The following DNAAF4 variants were observed in gnomAD, a reference collection of about 807,000 sequenced individuals.
DNAAF4 encodes the protein dynein axonemal assembly factor 4.
A neutral mutation model predicts 51.8 loss-of-function variants in DNAAF4; 43 were observed. That is an observed-to-expected ratio of 0.83 (90% CI 0.65 to 1.07). The LOEUF (loss-of-function observed/expected upper bound fraction) is 1.07, where lower values mean the gene tolerates loss of function less well. Ranked by LOEUF, DNAAF4 falls within the 50% of genes least tolerant of loss-of-function variation. The probability of loss-of-function intolerance (pLI) is 0.00; values close to 1 mark genes in which losing one functional copy is unlikely to be tolerated. For missense variants in DNAAF4, 581 were observed against 493.0 expected (o/e 1.18, Z -1.69); for synonymous variants, 194 against 165.6 (o/e 1.17, Z -1.32).
chr15:55,427,977 A>T (rs748705538), downstream of DNAAF4, among the ~76,000 whole-genome samples: 3 of 151,260 alleles, frequency 2.0e-5, no homozygotes, highest in Non-Finnish European at 4.4e-5. Context: ...TTGGAGATGG[A>T]GTTTCACTCC....
intron 1 of DNAAF4, among the ~76,000 whole-genome samples, chr15:55,500,127 T>C (rs547564284): frequency 6.6e-6 from 1 of 152,288 alleles, no homozygotes; most frequent in South Asian, 2.1e-4. Flanking sequence ...TTTAAACTTA[T>C]TTACTTTTGG....
intron 5 of DNAAF4, among the ~76,000 whole-genome samples, chr15:55,460,395 G>T (rs552235225): frequency 1.2e-3 from 182 of 151,760 alleles, no homozygotes; most frequent in African/African-American, 4.2e-3. Context: ...GGTCAGGCTG[G>T]TCTCAAACTC....
intron 4 of DNAAF4, among the ~76,000 whole-genome samples, chr15:55,483,871 T>A (rs1260561831): frequency 8.0e-6 from 1 of 125,390 alleles, no homozygotes; most frequent in African/African-American, 3.5e-5. Context: ...TTTTTTTTTT[T>A]AAGAGAAAGC....
At chr15:55,473,293 A>ATC (rs2058289120) in intron 4 of DNAAF4, among the ~76,000 whole-genome samples, 1 of 34,470 alleles carries the variant, frequency 2.9e-5, no homozygotes, top group African/African-American at 1.2e-4. Context: ...GTGTATATAT[A>ATC]TGTGTATATA....
Position 55,498,434 on chromosome 15 carries a change from G to A in DNAAF4, c.-105C>T. ...GCGCCAGCCCTTCCGGGTCAGGCCG[G>A]CCGGGAGCCCGGCGTTCCCAGCGTG... On this transcript the variant is annotated 5_prime_UTR_variant, in exon 2 of 10. Transcript: ENST00000321149. 2 of 1,484,458 alleles carry A rather than the reference G, an allele frequency of 1.3e-6. No homozygotes were observed. The highest frequency in any genetic ancestry group is 1.8e-6 in the Non-Finnish European group (2 of 1,119,338). 92.0% of individuals were successfully genotyped at this position (1,484,458 alleles called of 1,614,324 possible).
chr15:55,467,629 C>T (rs983273798), intron 4 of DNAAF4, among the ~76,000 whole-genome samples: 1 of 151,912 alleles, frequency 6.6e-6, no homozygotes, highest in Non-Finnish European at 1.5e-5. Flanking sequence ...ACCCTGTCAA[C>T]CGAAGTTGTG....
At chr15:55,448,579 A>G (rs2057879314) in intron 6 of DNAAF4, among the ~76,000 whole-genome samples, 1 of 148,450 alleles carries the variant, frequency 6.7e-6, no homozygotes, top group South Asian at 2.1e-4. Flanking sequence ...ATTCAAAAAT[A>G]ATTCTATGGG....
At chr15:55,493,382 A>C (rs1286782002) in intron 3 of DNAAF4, among the ~76,000 whole-genome samples, 1 of 152,230 alleles carries the variant, frequency 6.6e-6, no homozygotes, top group Admixed American at 6.5e-5. Context: ...TTATTCATCT[A>C]AGATCTTGGC....
chr15:55,423,811 A>C (rs1027438779), intron 7 of DNAAF4, among the ~76,000 whole-genome samples: 1 of 152,100 alleles, frequency 6.6e-6, no homozygotes, highest in Non-Finnish European at 1.5e-5. Flanking sequence ...AAAATAGGCC[A>C]GGCACAGTGT....
At chr15:55,424,608 G>C (rs1316493905) in intron 7 of DNAAF4, among the ~76,000 whole-genome samples, 3 of 152,172 alleles carry the variant, frequency 2.0e-5, no homozygotes, top group Admixed American at 2.0e-4. Flanking sequence ...CTTTATCCAG[G>C]CTAGAGTGCA....
intron 5 of DNAAF4, among the ~76,000 whole-genome samples, chr15:55,462,978 C>T (rs951935312): frequency 3.9e-5 from 6 of 152,132 alleles, no homozygotes; most frequent in Non-Finnish European, 7.3e-5. Flanking sequence ...TTGAGGCCAG[C>T]CTGGCCAACA....
intron 7 of DNAAF4, among the ~76,000 whole-genome samples, chr15:55,420,955 G>A (rs528603827): frequency 5.9e-4 from 90 of 152,144 alleles, no homozygotes; most frequent in Admixed American, 1.4e-3. Context: ...TTGGGAGGCC[G>A]AGACGGGCAG....
chr15:55,449,768 G>A (rs796786369), intron 6 of DNAAF4, among the ~76,000 whole-genome samples: 55 of 126,606 alleles, frequency 4.3e-4, no homozygotes, highest in African/African-American at 1.5e-3. Flanking sequence ...GTGCAATCTC[G>A]GCTCACTGCA....
chr15:55,443,132 G>A (rs946079502), intron 6 of DNAAF4: 38 of 1,610,442 alleles, frequency 2.4e-5, no homozygotes, highest in Admixed American at 2.0e-4. Flanking sequence ...GAAGGCAAAC[G>A]TTTCCAGGAG....
At chr15:55,447,176 T>G (rs1347261886) in intron 6 of DNAAF4, among the ~76,000 whole-genome samples, 2 of 102,764 alleles carry the variant, frequency 1.9e-5, no homozygotes, top group Non-Finnish European at 1.9e-5. Context: ...ACATCCCAGA[T>G]GATGGGCGGC....
At chr15:55,492,060 T>C (rs2058581909) in intron 3 of DNAAF4, among the ~76,000 whole-genome samples, 1 of 151,722 alleles carries the variant, frequency 6.6e-6, no homozygotes, top group African/African-American at 2.4e-5. Flanking sequence ...TCTCACTATA[T>C]TGCCCAGGCT....
At chr15:55,498,769 G>T (rs538086867) in intron 1 of DNAAF4, among the ~76,000 whole-genome samples, 185 bp from the exon 2 acceptor site, 1 of 151,814 alleles carries the variant, frequency 6.6e-6, no homozygotes, top group South Asian at 2.1e-4. Context: ...GCCGGGCGTG[G>T]TGGTGCATGC....
intron 9 of DNAAF4, among the ~76,000 whole-genome samples, chr15:55,432,205 C>T (rs2057507426): frequency 6.6e-6 from 1 of 152,102 alleles, no homozygotes; most frequent in Non-Finnish European, 1.5e-5. Context: ...CCCGCCTCTG[C>T]CTCCCAAAGT....
downstream of DNAAF4, among the ~76,000 whole-genome samples, chr15:55,429,452 A>G (rs150509751): frequency 2.0e-5 from 3 of 148,864 alleles, no homozygotes; most frequent in Non-Finnish European, 3.0e-5. Flanking sequence ...TGGGAGGTGG[A>G]GGATGCAGCG....
Sources: allele counts gnomAD v4.1 joint callset (sites outside exome capture counted in the v4.1 genomes callset), GRCh38; gene constraint gnomAD v4.1.1; transcripts MANE v1.5; gene names NCBI Gene and HGNC (gene_info 2026-07-23, HGNC 2026-07-21).